The following LATS2 variants were observed in gnomAD, a reference collection of about 807,000 sequenced individuals.
LATS2 encodes large tumor suppressor kinase 2.
Under a neutral mutation model 76.0 loss-of-function variants are expected in LATS2, and 24 were observed. The ratio of observed to expected loss-of-function variants is 0.32; its 90% CI spans 0.23 to 0.44. The LOEUF (loss-of-function observed/expected upper bound fraction) is 0.44. Ranked by LOEUF, LATS2 falls within the 20% of genes least tolerant of loss-of-function variation. LATS2 has a pLI of 1.00. For synonymous variants in LATS2, 692 were observed against 635.4 expected (o/e 1.09, Z -1.34); for missense variants, 1,286 against 1,481.2 (o/e 0.87, Z 2.16).
rs1454455612 is a variant in LATS2 at position 20,991,928 on chromosome 13, G to A, written c.343-524C>T. Among the ~76,000 whole-genome samples the A allele has an allele frequency of 2.0e-5, 3 of 152,162 alleles. No individual in the cohort carries two copies. Among genetic ancestry groups the A allele is most frequent in the Admixed American group, 6.5e-5 (1 of 15,274 alleles). On this transcript the variant is annotated intron_variant, in intron 2 of 7. Transcript: ENST00000382592. This position sits in a 1 kb window ranked among gnomAD's most constrained non-coding sequence, Gnocchi z 4.9. ...TGCTGGCTATAGCAGCGGAGGACTG[G>A]CCCTTAGAGATCTGACTCGTAGAAG... is the stretch of plus-strand genomic sequence containing the variant.
At chr13:21,023,842 G>A (rs559238694) in intron 2 of LATS2, among the ~76,000 whole-genome samples, 14 of 151,594 alleles carry the variant, frequency 9.2e-5, no homozygotes, top group African/African-American at 2.7e-4. Flanking sequence ...GCATGGTGGC[G>A]CATGCCTATA....
rs535793722 is a variant in LATS2 at position 21,013,184 on chromosome 13, CT to C, written c.343-21781del. Among the ~76,000 whole-genome samples the C allele has an allele frequency of 3.9e-5, 6 of 152,228 alleles. No homozygotes were observed. The South Asian group carries it at 1.2e-3, about 32-fold the overall frequency. On this transcript the variant is annotated intron_variant, in intron 2 of 7. Coordinates refer to ENST00000382592, the MANE Select transcript of LATS2 (RefSeq NM_014572.3). ...ATGAAGGTTCTCATGTGCTTGCCTG[CT>C]TAGGTGAGTTAGGCCCATCCGCTAT...
rs1946804296 is a variant in LATS2 at position 21,050,887 on chromosome 13, G to C, written c.-204-4657C>G. Among the ~76,000 whole-genome samples the C allele has an allele frequency of 2.0e-5, 3 of 152,254 alleles. No homozygotes were observed. In the South Asian group the frequency reaches 6.2e-4, roughly 31 times the overall value. Reference sequence around the variant, plus strand: ...TCCCTGGGGAGCTTTCTGGAGCCCTGTGGGCAAGAGGCCCTGGCCCACGCA... The same window carrying C: ...TCCCTGGGGAGCTTTCTGGAGCCCTCTGGGCAAGAGGCCCTGGCCCACGCA... On this transcript the variant is annotated intron_variant, in intron 1 of 7. Transcript: ENST00000382592.
intron 2 of LATS2, among the ~76,000 whole-genome samples, chr13:21,022,019 T>G (rs1872084883): frequency 6.6e-6 from 1 of 152,190 alleles, no homozygotes; most frequent in Non-Finnish European, 1.5e-5. Flanking sequence ...GAAAGTATAG[T>G]GGGCCCTGGG....
At chr13:21,024,093 CAAAAAAAAAA>C (rs748881098) in intron 2 of LATS2, among the ~76,000 whole-genome samples, 2 of 79,246 alleles carry the variant, frequency 2.5e-5, no homozygotes, top group South Asian at 4.5e-4. Context: ...TCTCGCTGTG[CAAAAAAAAAA>C]AAAAAAAAAA....
intron 5 of LATS2, 31 bp downstream of exon 5, chr13:20,983,193 G>T: frequency 6.7e-7 from 1 of 1,486,744 alleles, no homozygotes; most frequent in Non-Finnish European, 9.3e-7. Context: ...TCTACACATA[G>T]AAAGTGCATG....
At chr13:21,040,665 G>A (rs1872847499) in intron 2 of LATS2, among the ~76,000 whole-genome samples, 1 of 152,152 alleles carries the variant, frequency 6.6e-6, no homozygotes. Flanking sequence ...AGCATGTGGG[G>A]AGGATAAGAC....
intron 1 of LATS2, among the ~76,000 whole-genome samples, chr13:21,055,916 G>A (rs540374760): frequency 6.6e-6 from 1 of 152,338 alleles, no homozygotes; most frequent in South Asian, 2.1e-4. Flanking sequence ...CACCAGCACT[G>A]TCAAGCCAGG....
In LATS2 at chr13:21,008,162, C is replaced by T. The variant is rs950282432; in HGVS notation, c.343-16758G>A. Among the ~76,000 whole-genome samples the T allele has an allele frequency of 4.6e-5, 7 of 151,778 alleles. No homozygotes were observed. The East Asian group carries it at 7.8e-4, about 17-fold the overall frequency. On this transcript the variant is annotated intron_variant, in intron 2 of 7. Transcript: ENST00000382592. ...ACAGGCCAGTAGGATGGCACAGAGG[C>T]GCAGTGGTGCTCGCTGCTGCATTGC...
chr13:21,002,226 T>C (rs1871081611), intron 2 of LATS2, among the ~76,000 whole-genome samples: 1 of 152,126 alleles, frequency 6.6e-6, no homozygotes, highest in Admixed American at 6.5e-5. Context: ...AAGCCATTAT[T>C]TTTAAGTCAC....
At chr13:20,985,399 GAACTC>G (rs1036461972) in intron 4 of LATS2, among the ~76,000 whole-genome samples, 118 of 152,238 alleles carry the variant, frequency 7.8e-4, no homozygotes, top group African/African-American at 2.6e-3. Flanking sequence ...AATATACAAG[GAACTC>G]AACTCAACAG....
chr13:21,023,824 T>C (rs1011067957), intron 2 of LATS2, among the ~76,000 whole-genome samples: 1 of 150,994 alleles, frequency 6.6e-6, no homozygotes, highest in Non-Finnish European at 1.5e-5. Flanking sequence ...AAATACAAAA[T>C]TAGCTGGGCA....
Position 20,991,676 on chromosome 13 carries a change from G to T in LATS2, c.343-272C>A, listed in dbSNP as rs1406985554. Among the ~76,000 whole-genome samples, 1 of 152,200 alleles carries T rather than the reference G, an allele frequency of 6.6e-6. No homozygotes were observed. The highest frequency in any genetic ancestry group is 6.5e-5 in the Admixed American group (1 of 15,292). On this transcript the variant is annotated intron_variant, in intron 2 of 7. Transcript: ENST00000382592. This position sits in a 1 kb window ranked among gnomAD's most constrained non-coding sequence, Gnocchi z 4.9. ...GAATTTTGATGATGGGCCTGAAAGA[G>T]ACTTAAATTCTGCTTCTCCTCAGAA...
chr13:21,027,538 T>A, intron 2 of LATS2, among the ~76,000 whole-genome samples: 1 of 152,202 alleles, frequency 6.6e-6, no homozygotes, highest in East Asian at 1.9e-4. Flanking sequence ...TTGTAGTAAG[T>A]CCCATGTAAG....
intron 1 of LATS2, among the ~76,000 whole-genome samples, chr13:21,057,465 C>A (rs966500726): frequency 6.6e-6 from 1 of 152,146 alleles, no homozygotes; most frequent in Non-Finnish European, 1.5e-5. Context: ...ACATCATAAC[C>A]AATGTCTTTA....
At chr13:20,978,254 C>T (rs1869716485) in intron 7 of LATS2, among the ~76,000 whole-genome samples, 1 of 152,016 alleles carries the variant, frequency 6.6e-6, no homozygotes, top group South Asian at 2.1e-4. Context: ...TTAATTTAGG[C>T]TCCCTGGCCT....
intron 2 of LATS2, among the ~76,000 whole-genome samples, chr13:21,024,796 A>G (rs1306351967): frequency 1.3e-5 from 2 of 152,022 alleles, no homozygotes; most frequent in African/African-American, 4.8e-5. Context: ...CTGACATTTT[A>G]TATTCTCTTT....
intron 2 of LATS2, among the ~76,000 whole-genome samples, chr13:21,043,009 C>T (rs1872937567): frequency 6.8e-6 from 1 of 146,234 alleles, no homozygotes; most frequent in African/African-American, 2.5e-5. Flanking sequence ...AAACAAAAAA[C>T]AGTAGGAGTG....
chr13:21,045,582 T>C, intron 2 of LATS2, 103 bp downstream of exon 2: 1 of 810,264 alleles, frequency 1.2e-6, no homozygotes, highest in African/African-American at 1.7e-5. Flanking sequence ...CTTGTATAAG[T>C]AGTAACCAAT....
Sources: gnomAD v4.1 joint callset for allele counts (sites outside exome capture counted in the v4.1 genomes callset) on GRCh38, gnomAD v4.1.1 for gene constraint, Gnocchi (gnomAD v3.1) non-coding constraint, MANE v1.5 for transcripts, NCBI Gene and HGNC (gene_info 2026-07-23, HGNC 2026-07-21) for gene names.